Variants in CSRP3 observed in about 807,000 individuals in gnomAD.
CSRP3 encodes cysteine and glycine-rich protein 3.
In CSRP3, 24 loss-of-function variants were observed where a neutral mutation model predicts 24.3. That is an observed-to-expected ratio of 0.99 (90% CI 0.71 to 1.39). The LOEUF (loss-of-function observed/expected upper bound fraction) is 1.39. CSRP3 is among the 40% of genes most tolerant of loss of function. The pLI is 0.00. For missense variants in CSRP3, 240 were observed against 249.0 expected, an observed-to-expected ratio of 0.96 and a Z score of 0.24; for synonymous variants, 105 against 94.0, an observed-to-expected ratio of 1.12 and a Z score of -0.68.
At chr11:19,197,348 C>G (rs1850732029) in intron 1 of CSRP3, among the ~76,000 whole-genome samples, 1 of 44,970 alleles carries the variant, frequency 2.2e-5, no homozygotes, top group Non-Finnish European at 3.6e-5. Flanking sequence ...CTCCCTCCCT[C>G]CCTCCCTCCC....
rs567284283 is a variant in CSRP3, at chr11:19,188,610, G to A, written c.113-306C>T. ...CCTGAGTCTTCCCAAATGACATCAG[G>A]GAAGTGTGTGTGTGTGTGTGTGTGT... On this transcript the variant is annotated intron_variant, in intron 2 of 5. Transcript: ENST00000265968. Among the ~76,000 whole-genome samples the A allele has an allele frequency of 3.2e-5, 4 of 124,084 alleles. No homozygotes were observed. The East Asian group carries it at 7.0e-4, about 22-fold the overall frequency. The allele number at this position is 124,084 out of a possible 152,430, so 81.4% of individuals were successfully genotyped here.
chr11:19,186,922 A>G (rs569588597), intron 3 of CSRP3, among the ~76,000 whole-genome samples: 2 of 152,302 alleles, frequency 1.3e-5, no homozygotes, highest in African/African-American at 4.8e-5. Flanking sequence ...ATAGCCTCTC[A>G]TGTGTTGGTA....
intron 5 of CSRP3, 130 bp from the exon 6 acceptor site, chr11:19,182,876 G>C (rs72904149): frequency 1.3e-6 from 1 of 743,450 alleles, no homozygotes; most frequent in African/African-American, 1.7e-5. Context: ...GCATAAGTTC[G>C]CCAGGCACGG....
chr11:19,186,085 G>C lies in CSRP3; in HGVS notation c.414+131C>G, dbSNP rs1390854105. ...AGCCTGGGAAAGTGGCTGAGGATGTGTGGTTTCTAAAGTTGTTCTGGGAGC... is the reference window on the plus strand; with the variant it reads ...AGCCTGGGAAAGTGGCTGAGGATGTCTGGTTTCTAAAGTTGTTCTGGGAGC... On this transcript the variant is annotated intron_variant, in intron 4 of 5. Transcript: ENST00000265968. 1.9e-5 allele frequency: 23 copies of C among 1,191,962 alleles called. 1 individual carries two copies. The South Asian group carries it at 2.6e-4, about 13-fold the overall frequency. The allele number at this position is 1,191,962 out of a possible 1,614,324, so 73.8% of individuals were successfully genotyped here. A position where few individuals can be genotyped will look rare whatever the true frequency, so the allele number is the denominator to read the frequency against.
chr11:19,191,215 A>G (rs1850608836), intron 2 of CSRP3, among the ~76,000 whole-genome samples: 1 of 152,216 alleles, frequency 6.6e-6, no homozygotes, highest in South Asian at 2.1e-4. Context: ...CTCAAACCCG[A>G]ATCCCTTTTA....
At chr11:19,198,728 G>C (rs1397623962) in intron 1 of CSRP3, among the ~76,000 whole-genome samples, 2 of 65,922 alleles carry the variant, frequency 3.0e-5, no homozygotes, top group Non-Finnish European at 1.1e-4. Flanking sequence ...TGAAAACCAT[G>C]GGCTTTGGAA....
In CSRP3 at chr11:19,186,246, A is replaced by G. The variant is rs1217639221; in HGVS notation, c.384T>C (p.Tyr128=). ...EKCPRCGKSV[Y]AAEKVMGGGK... ...CACCTCCCATAACCTTCTCAGCAGC[A>G]TAGACTGACTTGCCACATCGAGGGC... Residue 128 remains tyrosine (Y), a synonymous_variant, in exon 4 of 6, where the codon TAT becomes TAC. Transcript: ENST00000265968. 5.6e-6 allele frequency: 9 copies of G among 1,614,230 alleles called. No individual in the cohort carries two copies. Among genetic ancestry groups the G allele is most frequent in the Non-Finnish European group, 6.8e-6 (8 of 1,180,036 alleles).
chr11:19,182,560 A>T lies in CSRP3; in HGVS notation c.*110T>A. 1 of 935,640 alleles carries T rather than the reference A, an allele frequency of 1.1e-6. No individual in the cohort carries two copies. The highest frequency in any genetic ancestry group is 1.3e-5 in the South Asian group (1 of 77,388). The allele number at this position is 935,640 out of a possible 1,614,324, so 58.0% of individuals were successfully genotyped here. On this transcript the variant is annotated 3_prime_UTR_variant, in exon 6 of 6. Transcript: ENST00000265968. ...CCTGATCACTTCTGAGGAGAAACAC[A>T]TAATGTACGACTACAAAGGAGAGGC...
chr11:19,182,777 C>A (rs113174709), intron 5 of CSRP3, 31 bp from the exon 6 acceptor site: 5 of 1,517,696 alleles, frequency 3.3e-6, no homozygotes, highest in Non-Finnish European at 4.6e-6. Context: ...AAGGGAGAGA[C>A]AATGCATTGG....
intron 1 of CSRP3, among the ~76,000 whole-genome samples, chr11:19,197,364 C>T (rs35644017): frequency 1.3e-4 from 8 of 59,290 alleles, no homozygotes; most frequent in Non-Finnish European, 1.9e-4. Context: ...CTCCCTCCCT[C>T]CCTCCCTCCC....
At chr11:19,193,192 G>T (rs1219887697) in intron 1 of CSRP3, among the ~76,000 whole-genome samples, 1 of 152,176 alleles carries the variant, frequency 6.6e-6, no homozygotes, top group Non-Finnish European at 1.5e-5. Context: ...CTTGCTTTCT[G>T]CTTTCAGGGC....
Position 19,192,327 on chromosome 11 carries a change from C to T in CSRP3, c.112+10G>A, listed in dbSNP as rs772000025. The T allele has an allele frequency of 1.9e-6, 3 of 1,609,032 alleles. No homozygotes were observed. The highest frequency in any genetic ancestry group is 1.1e-5 in the South Asian group (1 of 91,002). The stretch of plus-strand genomic sequence containing the variant: ...TGCTGAGGGGCCCCCAGGGTGTCCA[C>T]CCAACTCACTGCAGTGGAAACACGT... On this transcript the variant is annotated intron_variant, in intron 2 of 5. Coordinates refer to ENST00000265968, the MANE Select transcript of CSRP3 (RefSeq NM_003476.5).
At chr11:19,182,858 A>T in intron 5 of CSRP3, 112 bp from the exon 6 acceptor site, 1 of 822,122 alleles carries the variant, frequency 1.2e-6, no homozygotes, top group Non-Finnish European at 2.1e-6. Flanking sequence ...TCCTTTTGAT[A>T]GATTTATGCA....
chr11:19,188,322 G>C lies in CSRP3; in HGVS notation c.113-18C>G. ...GCAGGCCACTGCCAGGAAAAGGAAG[G>C]GTCATGGGATTGGAATTGAAATCCT... On this transcript the variant is annotated intron_variant, in intron 2 of 5. Coordinates refer to ENST00000265968, the MANE Select transcript of CSRP3 (RefSeq NM_003476.5). The C allele has an allele frequency of 6.2e-7, 1 of 1,611,602 alleles. No homozygotes were observed. Among genetic ancestry groups the C allele is most frequent in the Non-Finnish European group, 8.5e-7 (1 of 1,179,908 alleles).
chr11:19,188,906 A>G (rs1266976682), intron 2 of CSRP3, among the ~76,000 whole-genome samples: 2 of 152,078 alleles, frequency 1.3e-5, no homozygotes, highest in Non-Finnish European at 2.9e-5. Context: ...TGGTTACTGT[A>G]TATTACCTAA....
chr11:19,187,095 G>A (rs1358471616), intron 3 of CSRP3, among the ~76,000 whole-genome samples: 2 of 152,164 alleles, frequency 1.3e-5, no homozygotes, highest in African/African-American at 2.4e-5. Context: ...TTCAGACCTT[G>A]TTACTCTTTG....
Position 19,192,206 on chromosome 11 carries a change from A to T in CSRP3, c.112+131T>A, listed in dbSNP as rs777557856. 4.8e-4 allele frequency: 345 copies of T among 725,724 alleles called. 5 individuals carry two copies. The highest frequency in any genetic ancestry group is 5.9e-4 in the Non-Finnish European group (236 of 399,260). 45.0% of individuals were successfully genotyped at this position (725,724 alleles called of 1,614,324 possible). On this transcript the variant is annotated intron_variant, in intron 2 of 5. Coordinates refer to ENST00000265968, the MANE Select transcript of CSRP3 (RefSeq NM_003476.5). ...AGAGTTAAATTTCTAACCAGTTCCC[A>T]GGTAATGCTGATGCTGCTTGTCCCA...
At chr11:19,199,987 T>C (rs1367605714) in intron 1 of CSRP3, among the ~76,000 whole-genome samples, 2 of 152,234 alleles carry the variant, frequency 1.3e-5, no homozygotes, top group Admixed American at 1.3e-4. Context: ...TTCCTAGCCC[T>C]GGGTCTTTCC....
intron 1 of CSRP3, among the ~76,000 whole-genome samples, chr11:19,198,781 G>C (rs1425944399): frequency 6.6e-6 from 1 of 152,312 alleles, no homozygotes; most frequent in African/African-American, 2.4e-5. Flanking sequence ...TGAACACTGG[G>C]CAAGTTGCTC....
Sources: gnomAD v4.1 joint callset for allele counts (sites outside exome capture counted in the v4.1 genomes callset) on GRCh38, gnomAD v4.1.1 for gene constraint, MANE v1.5 for transcripts, NCBI Gene and HGNC (gene_info 2026-07-23, HGNC 2026-07-21) for gene names.